ANKS1B: variants seen among roughly 807,000 people sequenced by gnomAD.
ANKS1B encodes ankyrin repeat and sterile alpha motif domain containing 1B, also known as ankyrin repeat and sterile alpha motif domain-containing protein 1B.
A neutral mutation model predicts 148.3 loss-of-function variants in ANKS1B; 36 were observed. The ratio of observed to expected loss-of-function variants is 0.24; its 90% confidence interval spans 0.19 to 0.32. The LOEUF (loss-of-function observed/expected upper bound fraction) is 0.32, where lower values mean the gene tolerates loss of function less well. ANKS1B is among the 10% of genes least tolerant of loss of function. The pLI is 1.00. For missense variants in ANKS1B, 1,157 were observed against 1,542.6 expected (o/e 0.75, Z 4.19); for synonymous variants, 542 against 560.8 (o/e 0.97, Z 0.47).
intron 16 of ANKS1B, among the ~76,000 whole-genome samples, chr12:99,077,188 T>C (rs1014019984): frequency 7.9e-5 from 12 of 152,164 alleles, no homozygotes; most frequent in African/African-American, 2.7e-4. Flanking sequence ...GTGCCTTCGG[T>C]GAGACTGGGT....
intron 8 of ANKS1B, among the ~76,000 whole-genome samples, chr12:99,771,756 G>A (rs927671213): frequency 6.6e-6 from 1 of 151,976 alleles, no homozygotes; most frequent in African/African-American, 2.4e-5. Context: ...TTTTACAAAA[G>A]AGAGTGAAGC....
intron 12 of ANKS1B, among the ~76,000 whole-genome samples, chr12:99,286,959 TG>T: frequency 6.6e-6 from 1 of 152,284 alleles, no homozygotes; most frequent in Non-Finnish European, 1.5e-5. Context: ...TGTCCCACTC[TG>T]GGCCAGGGGG....
intron 8 of ANKS1B, among the ~76,000 whole-genome samples, chr12:99,693,981 A>G (rs1265394832): frequency 6.6e-6 from 1 of 151,048 alleles, no homozygotes; most frequent in East Asian, 2.0e-4. Context: ...TGGTTTCACT[A>G]TTTTGGCCAG....
chr12:99,165,685 A>C (rs2077122486), intron 14 of ANKS1B, among the ~76,000 whole-genome samples: 1 of 81,860 alleles, frequency 1.2e-5, no homozygotes, highest in Non-Finnish European at 2.4e-5. Flanking sequence ...CTAGTGTTAA[A>C]TTCTACCAAA....
intron 17 of ANKS1B, among the ~76,000 whole-genome samples, chr12:98,938,899 T>G (rs947551687): frequency 6.6e-6 from 1 of 152,236 alleles, no homozygotes; most frequent in African/African-American, 2.4e-5. Context: ...GGAAAAGGCC[T>G]TGGTGAGAAG....
chr12:98,809,127 G>A (rs977791926), intron 19 of ANKS1B, among the ~76,000 whole-genome samples: 3 of 152,148 alleles, frequency 2.0e-5, no homozygotes, highest in African/African-American at 4.8e-5. Context: ...GCTTGCTGGG[G>A]ATGGTTAAGG....
At chr12:99,592,987 A>C (rs2097718789) in intron 9 of ANKS1B, among the ~76,000 whole-genome samples, 1 of 152,174 alleles carries the variant, frequency 6.6e-6, no homozygotes, top group South Asian at 2.1e-4. Context: ...ATGAATGTCT[A>C]GGTTATGATA....
intron 10 of ANKS1B, among the ~76,000 whole-genome samples, chr12:99,463,507 G>C (rs12316872): frequency 0.048 from 7,276 of 152,274 alleles, 602 homozygotes; most frequent in African/African-American, 0.17. Flanking sequence ...CTTGGGAAGT[G>C]CAAGGGGGCA....
At chr12:99,980,169 A>G (rs56356758) in intron 1 of ANKS1B, among the ~76,000 whole-genome samples, 28,774 of 151,776 alleles carry the variant, frequency 0.19, 3,005 homozygotes, top group African/African-American at 0.25. Context: ...AAAAAAAAAT[A>G]CCAGGAAATT....
chr12:99,893,146 C>T (rs1200714765), intron 1 of ANKS1B, among the ~76,000 whole-genome samples: 1 of 152,134 alleles, frequency 6.6e-6, no homozygotes, highest in Non-Finnish European at 1.5e-5. Context: ...TGCAGTGGCT[C>T]ACAACTGTAA....
At chr12:99,625,362 G>A (rs182356213) in intron 9 of ANKS1B, among the ~76,000 whole-genome samples, 2 of 152,118 alleles carry the variant, frequency 1.3e-5, no homozygotes. Context: ...TAGCAAATCT[G>A]CACATGTACC....
chr12:99,220,428 C>G (rs1239118058), intron 14 of ANKS1B, among the ~76,000 whole-genome samples: 1 of 148,518 alleles, frequency 6.7e-6, no homozygotes, highest in Non-Finnish European at 1.5e-5. Flanking sequence ...TGGCATCAAG[C>G]ATACAATAAA....
At chr12:98,764,474 C>T (rs533698691) in intron 25 of ANKS1B, among the ~76,000 whole-genome samples, 6 of 152,042 alleles carry the variant, frequency 3.9e-5, no homozygotes, top group Admixed American at 2.0e-4. Context: ...GTGATCCGCC[C>T]GCCTCAGCCT....
At chr12:99,192,169 G>A (rs977272219) in intron 14 of ANKS1B, among the ~76,000 whole-genome samples, 19 of 143,092 alleles carry the variant, frequency 1.3e-4, no homozygotes, top group Non-Finnish European at 4.5e-5. Context: ...CACATATTGT[G>A]ATCATAACAG....
At chr12:99,409,373 G>C (rs1489397650) in intron 11 of ANKS1B, among the ~76,000 whole-genome samples, 1 of 152,054 alleles carries the variant, frequency 6.6e-6, no homozygotes, top group Non-Finnish European at 1.5e-5. Context: ...TTTGGGTGGT[G>C]GGGGGAGTGG....
intron 9 of ANKS1B, among the ~76,000 whole-genome samples, chr12:99,524,448 G>A (rs751388207): frequency 6.6e-6 from 1 of 152,116 alleles, no homozygotes; most frequent in Non-Finnish European, 1.5e-5. Context: ...AGATCATACT[G>A]CATTATCCAG....
chr12:99,944,312 C>T (rs909066735), intron 1 of ANKS1B, among the ~76,000 whole-genome samples: 2 of 152,136 alleles, frequency 1.3e-5, no homozygotes, highest in African/African-American at 4.8e-5. Context: ...TCCATCTTTT[C>T]GTATCAATCT....
intron 14 of ANKS1B, among the ~76,000 whole-genome samples, chr12:99,200,022 G>C (rs2081883103): frequency 6.6e-6 from 1 of 152,182 alleles, no homozygotes; most frequent in Non-Finnish European, 1.5e-5. Context: ...AGCCTGACTT[G>C]TTCAGGCACA....
At chr12:99,480,889 A>G (rs1017944007) in intron 10 of ANKS1B, among the ~76,000 whole-genome samples, 7 of 151,756 alleles carry the variant, frequency 4.6e-5, no homozygotes, top group African/African-American at 1.7e-4. Context: ...TTGGAACCTA[A>G]TCCATTTTAT....
Sources: gnomAD v4.1 joint callset for allele counts (sites outside exome capture counted in the v4.1 genomes callset) on GRCh38, gnomAD v4.1.1 for gene constraint, MANE v1.5 for transcripts, NCBI Gene and HGNC (gene_info 2026-07-23, HGNC 2026-07-21) for gene names.